Variants in MCC observed in about 807,000 individuals in gnomAD.
The protein encoded by MCC is colorectal mutant cancer protein.
In MCC, 90 loss-of-function variants were observed where a neutral mutation model predicts 116.2. The observed-to-expected ratio is 0.77, with a 90% CI of 0.65 to 0.92. The LOEUF (loss-of-function observed/expected upper bound fraction) is 0.92. Ranked by LOEUF, MCC falls within the 40% of genes least tolerant of loss-of-function variation. The pLI is 0.00. For missense variants in MCC, 1,516 were observed against 1,312.2 expected, an observed-to-expected ratio of 1.16 and a Z score of -2.40; for synonymous variants, 578 against 510.5, an observed-to-expected ratio of 1.13 and a Z score of -1.78.
chr5:113,253,419 T>C (rs1581321976), intron 3 of MCC, among the ~76,000 whole-genome samples: 1 of 152,140 alleles, frequency 6.6e-6, no homozygotes, highest in African/African-American at 2.4e-5. Flanking sequence ...CAGACCCTGG[T>C]GGGGATCTCT....
chr5:113,341,826 G>T (rs12520003), intron 2 of MCC, among the ~76,000 whole-genome samples: 20,915 of 124,474 alleles, frequency 0.17, 2,261 homozygotes, highest in African/African-American at 0.34. Flanking sequence ...GATTAGAAAA[G>T]AAAACTTTTT....
At chr5:113,195,785 T>C (rs1405570499) in intron 3 of MCC, among the ~76,000 whole-genome samples, 1 of 152,176 alleles carries the variant, frequency 6.6e-6, no homozygotes, top group Non-Finnish European at 1.5e-5. Context: ...TTCTCAAAAA[T>C]CTTTGGTGGC....
At chr5:113,249,646 C>T (rs928750280) in intron 3 of MCC, among the ~76,000 whole-genome samples, 1 of 152,196 alleles carries the variant, frequency 6.6e-6, no homozygotes, top group Non-Finnish European at 1.5e-5. Context: ...CTGGCTGTCT[C>T]TGTATATCTG....
chr5:113,122,595 T>C, intron 6 of MCC, 89 bp downstream of exon 6: 1 of 1,498,740 alleles, frequency 6.7e-7, no homozygotes, highest in Non-Finnish European at 9.1e-7. Flanking sequence ...AAAAATTAAA[T>C]TTTAATTCAG....
At chr5:113,472,797 G>A (rs1341321138) in intron 1 of MCC, among the ~76,000 whole-genome samples, 1 of 152,218 alleles carries the variant, frequency 6.6e-6, no homozygotes, top group Non-Finnish European at 1.5e-5. Flanking sequence ...CTGGAAGCAT[G>A]TAAGCATATG....
At chr5:113,094,793 GA>G (rs763917485) in intron 8 of MCC, among the ~76,000 whole-genome samples, 8 of 152,180 alleles carry the variant, frequency 5.3e-5, no homozygotes, top group Non-Finnish European at 1.0e-4. Flanking sequence ...AGCTAGCCTT[GA>G]AGCAGCCTGG....
intron 4 of MCC, among the ~76,000 whole-genome samples, chr5:113,149,979 T>C (rs1241004393): frequency 2.6e-5 from 4 of 152,184 alleles, no homozygotes; most frequent in Admixed American, 1.3e-4. Context: ...GGAGGGGTTT[T>C]GCCTGACCAA....
chr5:113,293,975 T>C (rs1046365708), intron 3 of MCC, among the ~76,000 whole-genome samples: 1 of 152,114 alleles, frequency 6.6e-6, no homozygotes, highest in Non-Finnish European at 1.5e-5. Context: ...GGAATGTCCG[T>C]GTATTTTACC....
intron 8 of MCC, among the ~76,000 whole-genome samples, chr5:113,087,219 T>C (rs1315055071): frequency 1.3e-5 from 2 of 152,346 alleles, no homozygotes; most frequent in South Asian, 2.1e-4. Flanking sequence ...GAAATTTCAA[T>C]AATTCATCAA....
At chr5:113,387,714 T>C (rs998272790) in intron 1 of MCC, among the ~76,000 whole-genome samples, 2 of 152,192 alleles carry the variant, frequency 1.3e-5, no homozygotes, top group African/African-American at 4.8e-5. Context: ...TGATATGTCA[T>C]TGTAGGTTTA....
chr5:113,095,441 C>T (rs1755945500), intron 8 of MCC, among the ~76,000 whole-genome samples: 2 of 152,316 alleles, frequency 1.3e-5, no homozygotes, highest in Non-Finnish European at 1.5e-5. Context: ...GCAGATTAAA[C>T]AAAATGTGCA....
chr5:113,414,137 C>CA (rs1428478335), intron 1 of MCC, among the ~76,000 whole-genome samples: 1 of 152,140 alleles, frequency 6.6e-6, no homozygotes, highest in Non-Finnish European at 1.5e-5. Flanking sequence ...GTCTGAGAGA[C>CA]AGTTTGTTGT....
At chr5:113,412,920 C>G (rs991378621) in intron 1 of MCC, among the ~76,000 whole-genome samples, 2 of 152,090 alleles carry the variant, frequency 1.3e-5, no homozygotes, top group African/African-American at 4.8e-5. Context: ...TCATAAATAG[C>G]TCTTATTATT....
intron 4 of MCC, among the ~76,000 whole-genome samples, chr5:113,144,180 G>C (rs1397058144): frequency 6.6e-6 from 1 of 152,184 alleles, no homozygotes; most frequent in Admixed American, 6.5e-5. Context: ...CTCAGCATTT[G>C]ATGGACTAAG....
chr5:113,057,120 A>G (rs1752886162), intron 14 of MCC, among the ~76,000 whole-genome samples: 3 of 152,272 alleles, frequency 2.0e-5, no homozygotes, highest in African/African-American at 7.2e-5. Flanking sequence ...GCAGAACGAG[A>G]TGGTGACTGA....
intron 1 of MCC, among the ~76,000 whole-genome samples, chr5:113,418,358 T>A (rs1346431056): frequency 1.4e-5 from 2 of 145,640 alleles, no homozygotes; most frequent in African/African-American, 2.6e-5. Context: ...AAATAAAAAA[T>A]GAATTCATTC....
Position 113,127,390 on chromosome 5 carries a change from T to C in MCC, c.885-4564A>G, listed in dbSNP as rs1461083118. Among the ~76,000 whole-genome samples, 4 of 152,232 alleles carry C rather than the reference T, an allele frequency of 2.6e-5. No homozygotes were observed. The East Asian group carries it at 7.7e-4, about 29-fold the overall frequency. ...CCAGTAATGTGATTGCCGGGCTGAA[T>C]GCTAGTTCTGCTTTTAGCTCTTTGA... On this transcript the variant is annotated intron_variant, in intron 5 of 18. Transcript: ENST00000408903.
chr5:113,365,806 C>A (rs1581429941), intron 2 of MCC, among the ~76,000 whole-genome samples: 1 of 152,174 alleles, frequency 6.6e-6, no homozygotes, highest in Non-Finnish European at 1.5e-5. Context: ...GAGGAGCCAG[C>A]ACTTCATATC....
intron 1 of MCC, among the ~76,000 whole-genome samples, chr5:113,484,763 T>C (rs963805021): frequency 2.3e-4 from 35 of 152,334 alleles, no homozygotes; most frequent in Admixed American, 7.8e-4. Context: ...CAGTTTCTTA[T>C]ATTGAACGGT....
Sources: gnomAD v4.1 joint callset for allele counts (sites outside exome capture counted in the v4.1 genomes callset) on GRCh38, gnomAD v4.1.1 for gene constraint, MANE v1.5 for transcripts, NCBI Gene and HGNC (gene_info 2026-07-23, HGNC 2026-07-21) for gene names.